The following CIMIP6 variants were observed in gnomAD, a reference collection of about 807,000 sequenced individuals.
The protein encoded by CIMIP6 is ciliary microtubule inner protein 6.
chr2:54,359,023 T>C, the CIMIP6 span: 19 of 1,556,346 alleles, frequency 1.2e-5, no homozygotes, highest in Non-Finnish European at 1.7e-5. Context: ...ACATCTCTTT[T>C]ATACATCAAT....
the CIMIP6 span, among the ~76,000 whole-genome samples, chr2:54,380,069 G>C: frequency 6.6e-6 from 1 of 151,968 alleles, no homozygotes; most frequent in Admixed American, 6.6e-5. Context: ...CTTGAGCCTG[G>C]AAGGTTGAGG....
chr2:54,353,426 T>C, the CIMIP6 span, among the ~76,000 whole-genome samples: 4 of 152,008 alleles, frequency 2.6e-5, no homozygotes, highest in Non-Finnish European at 5.9e-5. Context: ...GAGTTGGTAT[T>C]TGTGAGACAC....
chr2:54,364,312 T>C, the CIMIP6 span, among the ~76,000 whole-genome samples: 58 of 152,274 alleles, frequency 3.8e-4, no homozygotes, highest in African/African-American at 1.3e-3. Context: ...TACAAGATCA[T>C]TTTTCAAATT....
chr2:54,355,112 G>A, the CIMIP6 span, among the ~76,000 whole-genome samples: 1 of 151,904 alleles, frequency 6.6e-6, no homozygotes, highest in African/African-American at 2.4e-5. Flanking sequence ...AATTTGGTTG[G>A]ATATAAAAAC....
At chr2:54,337,386 G>T in the CIMIP6 span, among the ~76,000 whole-genome samples, 1 of 152,052 alleles carries the variant, frequency 6.6e-6, no homozygotes, top group Admixed American at 6.5e-5. Flanking sequence ...TTATGCTCTC[G>T]TACCAATTAT....
At chr2:54,346,355 T>C in the CIMIP6 span, among the ~76,000 whole-genome samples, 1 of 152,232 alleles carries the variant, frequency 6.6e-6, no homozygotes, top group African/African-American at 2.4e-5. Context: ...AAACAAGGAA[T>C]AGATGTTTAA....
chr2:54,359,026 A>G, the CIMIP6 span: 1 of 1,556,612 alleles, frequency 6.4e-7, no homozygotes, highest in Non-Finnish European at 8.7e-7. Context: ...TCTCTTTTAT[A>G]CATCAATATG....
the CIMIP6 span, chr2:54,360,340 G>A: frequency 1.5e-5 from 24 of 1,610,428 alleles, no homozygotes; most frequent in East Asian, 3.3e-4. Flanking sequence ...GAAACTCAGC[G>A]GAAAGCAGAA....
chr2:54,382,890 G>A, the CIMIP6 span, among the ~76,000 whole-genome samples: 1 of 152,172 alleles, frequency 6.6e-6, no homozygotes, highest in Non-Finnish European at 1.5e-5. Context: ...TCTTCTGAGT[G>A]GGGGTTGGAC....
the CIMIP6 span, chr2:54,334,972 C>T: frequency 3.1e-6 from 5 of 1,605,388 alleles, no homozygotes; most frequent in East Asian, 9.0e-5. Context: ...AATGCAAGAA[C>T]ATACAATGAA....
At chr2:54,340,661 G>C in the CIMIP6 span, among the ~76,000 whole-genome samples, 1 of 152,290 alleles carries the variant, frequency 6.6e-6, no homozygotes. Flanking sequence ...AAAGTCACCA[G>C]TCACATTTTA....
the CIMIP6 span, among the ~76,000 whole-genome samples, chr2:54,378,543 T>A: frequency 6.6e-6 from 1 of 152,212 alleles, no homozygotes; most frequent in Non-Finnish European, 1.5e-5. Context: ...AATATGCATG[T>A]GAAATTACCA....
chr2:54,355,760 TG>T, the CIMIP6 span, among the ~76,000 whole-genome samples: 6 of 152,230 alleles, frequency 3.9e-5, no homozygotes, highest in African/African-American at 1.2e-4. Flanking sequence ...TAACATTTTT[TG>T]TTATTCCTTT....
chr2:54,349,843 AG>A, the CIMIP6 span, among the ~76,000 whole-genome samples: 2 of 151,132 alleles, frequency 1.3e-5, no homozygotes, highest in Non-Finnish European at 2.9e-5. Flanking sequence ...GTGATGAAAA[AG>A]AAATCTTTTT....
chr2:54,355,081 T>G, the CIMIP6 span, among the ~76,000 whole-genome samples: 3 of 152,142 alleles, frequency 2.0e-5, no homozygotes, highest in Non-Finnish European at 4.4e-5. Context: ...TTTTGAAATT[T>G]TGGCTTCACA....
the CIMIP6 span, among the ~76,000 whole-genome samples, chr2:54,369,382 C>T: frequency 4.6e-5 from 7 of 152,146 alleles, no homozygotes; most frequent in South Asian, 2.1e-4. Context: ...TCTAACCCTA[C>T]GGCAGGTCTT....
chr2:54,362,752 G>T, the CIMIP6 span, among the ~76,000 whole-genome samples: 2 of 152,108 alleles, frequency 1.3e-5, no homozygotes, highest in Non-Finnish European at 2.9e-5. Flanking sequence ...TTGCCATGTT[G>T]GCCAGGCTGT....
At chr2:54,349,231 C>A in the CIMIP6 span, among the ~76,000 whole-genome samples, 2 of 151,964 alleles carry the variant, frequency 1.3e-5, no homozygotes, top group Admixed American at 1.3e-4. Flanking sequence ...TTTCTTTTTA[C>A]TGTATTTTGA....
At chr2:54,345,438 G>A in the CIMIP6 span, among the ~76,000 whole-genome samples, 2 of 152,182 alleles carry the variant, frequency 1.3e-5, no homozygotes, top group Non-Finnish European at 2.9e-5. Context: ...TTCTGGTATA[G>A]GGAGGATATC....
Sources: gnomAD v4.1 joint callset for allele counts (sites outside exome capture counted in the v4.1 genomes callset) on GRCh38, gnomAD v4.1.1 for gene constraint, MANE v1.5 for transcripts, NCBI Gene and HGNC (gene_info 2026-07-23, HGNC 2026-07-21) for gene names.